COQ3: variants seen among roughly 807,000 people sequenced by gnomAD.
The protein encoded by COQ3 is coenzyme Q3, methyltransferase, also known as ubiquinone biosynthesis O-methyltransferase, mitochondrial.
COQ3 carries 29 observed loss-of-function variants against 33.1 expected under a neutral mutation model. That is an observed-to-expected ratio of 0.88 (90% CI 0.65 to 1.19). The LOEUF (loss-of-function observed/expected upper bound fraction) is 1.19. Ranked by LOEUF, COQ3 falls within the 50% of genes most tolerant of loss-of-function variation. COQ3 has a pLI of 0.00. For synonymous variants in COQ3, 173 were observed against 157.8 expected (o/e 1.10, Z -0.72); for missense variants, 437 against 430.7 (o/e 1.01, Z -0.13).
rs6925344 is a variant in COQ3, at chr6:99,371,503, T to C, written c.814A>G (p.Ser272Gly). 1,349,648 of 1,604,922 alleles carry C rather than the reference T, an allele frequency of 0.84. 568,770 individuals carry two copies. Among genetic ancestry groups the C allele is most frequent in the South Asian group, 0.92 (82,818 of 90,048 alleles). ...GTATGAGTACCTTTTGGTACAATAC[T>C]TGCAATTTGCTCTGAAAAAACAATT... ...LGIVFSEQIA[S>G]IVPKGTHTWE... is the part of the protein sequence containing the mutation. Residue 272 changes from serine to glycine, a missense_variant, in exon 6 of 7, where the codon AGT (serine) becomes GGT (glycine). Transcript: ENST00000254759.
At chr6:99,378,389 A>G (rs12193590) in intron 3 of COQ3, among the ~76,000 whole-genome samples, 37,334 of 151,606 alleles carry the variant, frequency 0.25, 5,159 homozygotes, top group Middle Eastern at 0.37. Context: ...CACAGCTAAA[A>G]TGACTCCTTT....
chr6:99,371,404 G>C, intron 6 of COQ3, 24 bp downstream of exon 6: 1 of 1,544,754 alleles, frequency 6.5e-7, no homozygotes. Flanking sequence ...CTGGAAAATT[G>C]GAAAAAATTC....
intron 5 of COQ3, among the ~76,000 whole-genome samples, chr6:99,375,713 C>T (rs375193333): frequency 1.3e-5 from 2 of 152,098 alleles, no homozygotes; most frequent in East Asian, 3.9e-4. Context: ...GATCCCTGGA[C>T]ATCCAAGATA....
chr6:99,384,508 A>G (rs1774560865), intron 1 of COQ3, among the ~76,000 whole-genome samples: 1 of 152,238 alleles, frequency 6.6e-6, no homozygotes, highest in African/African-American at 2.4e-5. Flanking sequence ...ATTTGTCAAA[A>G]CTATTTCAAA....
chr6:99,379,786 T>G (rs1774414253), intron 3 of COQ3, among the ~76,000 whole-genome samples: 1 of 151,256 alleles, frequency 6.6e-6, no homozygotes, highest in African/African-American at 2.4e-5. Context: ...AACCAGGAGG[T>G]GGAGGTTGGA....
chr6:99,374,826 T>G (rs972458273), intron 5 of COQ3, among the ~76,000 whole-genome samples: 4 of 152,106 alleles, frequency 2.6e-5, no homozygotes, highest in Non-Finnish European at 5.9e-5. Context: ...CCTCATCTAG[T>G]TGTAGGTAAG....
At chr6:99,379,875 TA>T (rs977919300) in intron 3 of COQ3, among the ~76,000 whole-genome samples, 1 of 151,430 alleles carries the variant, frequency 6.6e-6, no homozygotes, top group Admixed American at 6.6e-5. Flanking sequence ...AATAATTAAA[TA>T]AATAATAAAA....
At chr6:99,377,566 G>T in intron 3 of COQ3, 81 bp from the exon 4 acceptor site, 4 of 839,826 alleles carry the variant, frequency 4.8e-6, no homozygotes, top group Admixed American at 3.0e-5. Context: ...AGTTTTCAAG[G>T]AAATATTAAC....
chr6:99,391,257 C>G (rs1774820602), intron 1 of COQ3, among the ~76,000 whole-genome samples: 1 of 150,374 alleles, frequency 6.7e-6, no homozygotes, highest in African/African-American at 2.4e-5. Flanking sequence ...CACCACCATG[C>G]CTGGCTAAAT....
At chr6:99,370,630 T>C (rs909145225) in intron 6 of COQ3, among the ~76,000 whole-genome samples, 1 of 152,156 alleles carries the variant, frequency 6.6e-6, no homozygotes, top group African/African-American at 2.4e-5. Flanking sequence ...ATTAGAGGCA[T>C]GAGCCACTGC....
chr6:99,382,269 GA>G, intron 2 of COQ3, among the ~76,000 whole-genome samples: 1 of 152,100 alleles, frequency 6.6e-6, no homozygotes, highest in Admixed American at 6.6e-5. Context: ...AGTAAAGAGG[GA>G]TTAGATAGAC....
chr6:99,381,457 G>A (rs139695685), intron 2 of COQ3, among the ~76,000 whole-genome samples: 2,604 of 152,170 alleles, frequency 0.017, 31 homozygotes, highest in Non-Finnish European at 0.028. Context: ...CCAACCACAT[G>A]GGTCCTTTTT....
At chr6:99,393,863 C>T (rs1347774033) in intron 1 of COQ3, among the ~76,000 whole-genome samples, 1 of 152,218 alleles carries the variant, frequency 6.6e-6, no homozygotes, top group East Asian at 1.9e-4. Context: ...CCAGACAGGA[C>T]CACTGGTCCT....
At chr6:99,385,629 G>A (rs1327774467) in intron 1 of COQ3, among the ~76,000 whole-genome samples, 1 of 152,082 alleles carries the variant, frequency 6.6e-6, no homozygotes, top group African/African-American at 2.4e-5. Context: ...TATAGCTAAA[G>A]GAGCACTGAG....
chr6:99,369,453 G>T lies in COQ3; in HGVS notation c.*147C>A. On this transcript the variant is annotated 3_prime_UTR_variant, in exon 7 of 7. Transcript: ENST00000254759. ...AATCCCTTGAAAGTAGCTATTAGAC[G>T]AAATAACAAAAACTTTTGTCCAAGG... The T allele has an allele frequency of 1.6e-6, 1 of 627,574 alleles. No homozygotes were observed. 38.9% of individuals were successfully genotyped at this position (627,574 alleles called of 1,614,324 possible).
At chr6:99,382,705 G>A (rs6570015) in intron 2 of COQ3, among the ~76,000 whole-genome samples, 73,005 of 151,664 alleles carry the variant, frequency 0.48, 17,984 homozygotes, top group Middle Eastern at 0.6. Context: ...TGTAATCCCA[G>A]CACTTTGGGA....
At chr6:99,376,956 T>A (rs1774300303) in intron 4 of COQ3, among the ~76,000 whole-genome samples, 1 of 150,158 alleles carries the variant, frequency 6.7e-6, no homozygotes, top group African/African-American at 2.4e-5. Flanking sequence ...AGAGTGAAAC[T>A]CTGTCTCAAA....
At position 99,371,883 on chromosome 6, in the gene COQ3, A is replaced by G. The variant is rs1033728603; in HGVS notation, c.730-296T>C. 3.3e-5 allele frequency among the ~76,000 whole-genome samples: 5 copies of G among 152,284 alleles called. No individual in the cohort carries two copies. The South Asian group carries it at 1.0e-3, about 32-fold the overall frequency. On this transcript the variant is annotated intron_variant, in intron 5 of 6. Transcript: ENST00000254759. ...TTCTTTTGTACATATCAAACACTTTACAATAAAAATGAGATCAGGCTGCTC... is the reference window on the plus strand; with the variant it reads ...TTCTTTTGTACATATCAAACACTTTGCAATAAAAATGAGATCAGGCTGCTC...
intron 2 of COQ3, 84 bp downstream of exon 2, chr6:99,383,614 T>A: frequency 9.5e-7 from 1 of 1,053,572 alleles, no homozygotes; most frequent in East Asian, 2.6e-5. Flanking sequence ...GACTATTACA[T>A]ACTGACTGGG....
Sources: allele counts gnomAD v4.1 joint callset (sites outside exome capture counted in the v4.1 genomes callset), GRCh38; gene constraint gnomAD v4.1.1; transcripts MANE v1.5; gene names NCBI Gene and HGNC (gene_info 2026-07-23, HGNC 2026-07-21).